MAP4K5: variants seen among roughly 807,000 people sequenced by gnomAD.
MAP4K5 encodes the protein mitogen-activated protein kinase kinase kinase kinase 5.
In MAP4K5, 82 loss-of-function variants were observed where a neutral mutation model predicts 135.6. The ratio of observed to expected loss-of-function variants is 0.60; its 90% CI spans 0.51 to 0.73. The LOEUF (loss-of-function observed/expected upper bound fraction) is 0.73. MAP4K5 is among the 30% of genes least tolerant of loss of function. The pLI is 0.00. For missense variants in MAP4K5, 907 were observed against 1,010.9 expected, an observed-to-expected ratio of 0.90 and a Z score of 1.39; for synonymous variants, 347 against 335.0, an observed-to-expected ratio of 1.04 and a Z score of -0.39.
chr14:50,456,764 T>A, intron 13 of MAP4K5, 170 bp from the exon 14 acceptor site: 1 of 565,472 alleles, frequency 1.8e-6, no homozygotes. Flanking sequence ...TTTTCACTTG[T>A]TCCATGTTTA....
intron 2 of MAP4K5, among the ~76,000 whole-genome samples, chr14:50,519,515 G>A (rs183613604): frequency 1.2e-3 from 176 of 152,130 alleles, no homozygotes; most frequent in African/African-American, 4.1e-3. Flanking sequence ...TTAGTCAAGT[G>A]TGGTGGCACG....
In MAP4K5 at chr14:50,486,095, TTC is replaced by T. The variant is rs778407964; in HGVS notation, c.257+7_257+8del. ...ATACAGAGAGAGATGATGCTTTTTT[TTC>T]TCTTACCTAAGATAACTCCCAAAGT... On this transcript the variant is annotated splice_region_variant and intron_variant, in intron 4 of 32. Coordinates refer to ENST00000682126, the MANE Select transcript of MAP4K5 (RefSeq NM_006575.6). 6 of 1,099,300 alleles carry T rather than the reference TTC, an allele frequency of 5.5e-6. No individual in the cohort carries two copies. In the Admixed American group the frequency reaches 9.7e-5, roughly 18 times the overall value. The allele number at this position is 1,099,300 out of a possible 1,614,324, so 68.1% of individuals were successfully genotyped here. A position where few individuals can be genotyped will look rare whatever the true frequency, so the allele number is the denominator to read the frequency against.
Position 50,468,782 on chromosome 14 carries a change from C to T in MAP4K5, c.543G>A (p.Trp181Ter). 2 of 1,606,754 alleles carry T rather than the reference C, an allele frequency of 1.2e-6. No individual in the cohort carries two copies. The highest frequency in any genetic ancestry group is 1.7e-6 in the Non-Finnish European group (2 of 1,176,080). Residue 181 changes from tryptophan to a stop codon, truncating the protein, a stop_gained and splice_region_variant, in exon 10 of 33, where the codon TGG becomes TGA. Transcript: ENST00000682126. LOFTEE classifies it high-confidence loss of function. Reference protein sequence around the residue: ...KRKSFIGTPYWMAPEVAAVEK... With the variant: ...KRKSFIGTPY ...CTACTGCTGCAACTTCTGGGGCCAT[C>T]CTAGAAGGAATCAATGAATACAACA...
At position 50,445,066 on chromosome 14, in the gene MAP4K5, C is replaced by G; in HGVS notation, c.1314G>C (p.Gly438=). 2 of 1,613,502 alleles carry G rather than the reference C, an allele frequency of 1.2e-6. No individual in the cohort carries two copies. The highest frequency in any genetic ancestry group is 1.7e-6 in the Non-Finnish European group (2 of 1,179,610). Residue 438 remains glycine (G), a synonymous_variant, in exon 18 of 33, where the codon GGG becomes GGC. Coordinates refer to ENST00000682126, the MANE Select transcript of MAP4K5 (RefSeq NM_006575.6). ...ILRRQSSPSC[G]PVAETSSIGN... is the part of the protein sequence containing the mutation. ...CAATAGAAGAAGTCTCTGCCACAGG[C>G]CCACAACTTGGGCTACTCTGTCTTC...
At chr14:50,485,093 A>C (rs1462427109) in intron 5 of MAP4K5, among the ~76,000 whole-genome samples, 1 of 152,142 alleles carries the variant, frequency 6.6e-6, no homozygotes, top group Non-Finnish European at 1.5e-5. Context: ...TTAGACTGTA[A>C]TGTCAAATTC....
chr14:50,465,264 A>T (rs1393811535), intron 11 of MAP4K5, among the ~76,000 whole-genome samples: 2 of 152,184 alleles, frequency 1.3e-5, no homozygotes, highest in African/African-American at 4.8e-5. Flanking sequence ...GTCTTCTCAG[A>T]AAAATGGATA....
intron 9 of MAP4K5, among the ~76,000 whole-genome samples, chr14:50,471,505 A>G (rs1434464194): frequency 6.6e-6 from 1 of 152,148 alleles, no homozygotes; most frequent in Non-Finnish European, 1.5e-5. Flanking sequence ...CCCCGAGAAC[A>G]GAAGAAATCT....
chr14:50,496,782 C>A (rs1190780951), intron 3 of MAP4K5, among the ~76,000 whole-genome samples: 1 of 151,230 alleles, frequency 6.6e-6, no homozygotes, highest in Non-Finnish European at 1.5e-5. Context: ...AGTGCTGAGA[C>A]TACAACAGGT....
chr14:50,505,218 T>C (rs976591900), intron 2 of MAP4K5: 4 of 179,010 alleles, frequency 2.2e-5, no homozygotes, highest in African/African-American at 9.6e-5. Context: ...AAAATTTTCA[T>C]CATCTGTATC....
chr14:50,434,454 C>A lies in MAP4K5; in HGVS notation c.2104G>T (p.Val702Phe). The change falls in exon 28 of 33, where the codon GTT (valine) becomes TTT (phenylalanine). Residue 702 changes from valine (V) to phenylalanine (F), a missense_variant. By Grantham distance (50) the Val-to-Phe change is conservative. Transcript: ENST00000682126. ...TTCAAATTGATTGTCTCAAACTGAA[C>A]TACCTGATTCGATTCAGTGCCTTTG... Reference protein sequence around the residue: ...ISKGTESNQVVQFETINLNSA... With the variant: ...ISKGTESNQVFQFETINLNSA... The A allele has an allele frequency of 6.2e-7, 1 of 1,609,912 alleles. No homozygotes were observed. The highest frequency in any genetic ancestry group is 8.5e-7 in the Non-Finnish European group (1 of 1,178,006).
At chr14:50,431,939 C>A (rs959189273) in intron 28 of MAP4K5, among the ~76,000 whole-genome samples, 21 of 152,194 alleles carry the variant, frequency 1.4e-4, no homozygotes, top group African/African-American at 4.3e-4. Flanking sequence ...ACTGCACATT[C>A]AAACATAAAC....
chr14:50,491,669 C>T (rs1267761938), intron 3 of MAP4K5, among the ~76,000 whole-genome samples: 3 of 151,328 alleles, frequency 2.0e-5, no homozygotes, highest in African/African-American at 4.9e-5. Context: ...TATCCTCTAA[C>T]ATTACATACT....
chr14:50,426,102 A>T (rs1381465366), intron 30 of MAP4K5, 125 bp from the exon 31 acceptor site: 1 of 515,528 alleles, frequency 1.9e-6, no homozygotes, highest in African/African-American at 1.9e-5. Flanking sequence ...CACTGTCTAG[A>T]CCACGATTTC....
chr14:50,426,705 C>T (rs1050993981), intron 30 of MAP4K5, among the ~76,000 whole-genome samples: 1 of 152,218 alleles, frequency 6.6e-6, no homozygotes, highest in Non-Finnish European at 1.5e-5. Flanking sequence ...GCTTGGGCGA[C>T]AGAGCGAGAC....
intron 11 of MAP4K5, among the ~76,000 whole-genome samples, chr14:50,465,722 C>A (rs1015609777): frequency 4.6e-5 from 7 of 152,216 alleles, no homozygotes; most frequent in African/African-American, 2.4e-5. Context: ...CCTCACCACA[C>A]TTCTTACCCA....
intron 9 of MAP4K5, among the ~76,000 whole-genome samples, chr14:50,473,799 CT>C (rs1031542430): frequency 6.8e-6 from 1 of 148,012 alleles, no homozygotes; most frequent in Admixed American, 6.8e-5. Context: ...ACTCAGCTCG[CT>C]GTAAGCTCTG....
At position 50,512,597 on chromosome 14, in the gene MAP4K5, C is replaced by T. The variant is rs182265268; in HGVS notation, c.109-7740G>A. On this transcript the variant is annotated intron_variant, in intron 2 of 32. Coordinates refer to ENST00000682126, the MANE Select transcript of MAP4K5 (RefSeq NM_006575.6). ...ATTTCTGTTTTCTCCAAATGAAGAA[C>T]CGATGGGCAAATGTTTGTGCTCTGT... Among the ~76,000 whole-genome samples the T allele has an allele frequency of 3.3e-4, 50 of 152,218 alleles. No homozygotes were observed. The East Asian group carries it at 8.7e-3, about 26-fold the overall frequency.
chr14:50,432,744 C>CA (rs959194963), intron 28 of MAP4K5, among the ~76,000 whole-genome samples: 41 of 142,376 alleles, frequency 2.9e-4, no homozygotes, highest in South Asian at 2.4e-3. Flanking sequence ...TGCTGATGAG[C>CA]AAAAAAAAAA....
At chr14:50,473,311 T>C (rs10129680) in intron 9 of MAP4K5, among the ~76,000 whole-genome samples, 16 of 152,148 alleles carry the variant, frequency 1.1e-4, no homozygotes, top group African/African-American at 3.6e-4. Flanking sequence ...TTCTTTTTTA[T>C]GGAAAAAGTA....
Sources: gnomAD v4.1 joint callset for allele counts (sites outside exome capture counted in the v4.1 genomes callset) on GRCh38, gnomAD v4.1.1 for gene constraint, MANE v1.5 for transcripts, NCBI Gene and HGNC (gene_info 2026-07-23, HGNC 2026-07-21) for gene names.